Variants in RPS6KA4 observed in about 807,000 individuals in gnomAD.
The protein encoded by RPS6KA4 is ribosomal protein S6 kinase A4.
A neutral mutation model predicts 89.6 loss-of-function variants in RPS6KA4; 38 were observed. The observed-to-expected ratio is 0.42, with a 90% CI of 0.33 to 0.56. The LOEUF (loss-of-function observed/expected upper bound fraction) is 0.56. Among genes scored for constraint, RPS6KA4 ranks in the 20% least tolerant of loss-of-function variants. The pLI, the probability that RPS6KA4 is intolerant of heterozygous loss-of-function variation, is 0.07. For missense variants in RPS6KA4, 873 were observed against 1,098.8 expected (o/e 0.79, Z 2.90); for synonymous variants, 495 against 492.8 (o/e 1.00, Z -0.06).
intron 12 of RPS6KA4, 56 bp downstream of exon 12, chr11:64,368,853 G>A: frequency 6.8e-7 from 1 of 1,468,404 alleles, no homozygotes; most frequent in Non-Finnish European, 9.3e-7. Flanking sequence ...GGCGGGGCTT[G>A]GGGGCACTAT....
chr11:64,359,298 T>A lies in RPS6KA4; in HGVS notation c.55+8T>A. ...AGCTGCGGATCACAGAAGGTGGGTG[T>A]GGGGCCTGACTGCGGCTGCCCGGGG... On this transcript the variant is annotated splice_region_variant and intron_variant, in intron 1 of 16. Coordinates refer to ENST00000334205, the MANE Select transcript of RPS6KA4 (RefSeq NM_003942.3). 6.3e-7 allele frequency: 1 copy of A among 1,594,332 alleles called. No homozygotes were observed. Among genetic ancestry groups the A allele is most frequent in the Non-Finnish European group, 8.5e-7 (1 of 1,170,074 alleles).
Position 64,371,559 on chromosome 11 carries a change from G to C in RPS6KA4, c.*79G>C, listed in dbSNP as rs1361109859. On this transcript the variant is annotated 3_prime_UTR_variant, in exon 17 of 17. Coordinates refer to ENST00000334205, the MANE Select transcript of RPS6KA4 (RefSeq NM_003942.3). ...CTCACTCCCGGAGGCCTCTGCCTGC[G>C]GCTGACCTGATCCCCAAGGGACTGT... 1.1e-5 allele frequency: 7 copies of C among 627,758 alleles called. No homozygotes were observed. Among genetic ancestry groups the C allele is most frequent in the East Asian group, 8.2e-5 (3 of 36,452 alleles). 38.9% of individuals were successfully genotyped at this position (627,758 alleles called of 1,614,324 possible).
chr11:64,361,300 T>C lies in RPS6KA4; in HGVS notation c.570+59T>C, dbSNP rs183593760. 1 of 1,526,472 alleles carries C rather than the reference T, an allele frequency of 6.6e-7. No individual in the cohort carries two copies. Among genetic ancestry groups the C allele is most frequent in the Non-Finnish European group, 9.0e-7 (1 of 1,105,376 alleles). The allele number at this position is 1,526,472 out of a possible 1,614,324, so 94.6% of individuals were successfully genotyped here. ...ATTCAATCCTTCTCCTTCCTGCCTC[T>C]TCCTGCTCTGGGCCTGCATTCTGGG... On this transcript the variant is annotated intron_variant, in intron 5 of 16. Coordinates refer to ENST00000334205, the MANE Select transcript of RPS6KA4 (RefSeq NM_003942.3). The surrounding 1 kb of genome is among the most constrained non-coding windows in gnomAD (Gnocchi z 4.7).
chr11:64,370,658 C>T lies in RPS6KA4; in HGVS notation c.2053C>T (p.Leu685Phe). 1 of 1,571,814 alleles carries T rather than the reference C, an allele frequency of 6.4e-7. No individual in the cohort carries two copies. Among genetic ancestry groups the T allele is most frequent in the South Asian group, 1.1e-5 (1 of 87,704 alleles). The stretch of plus-strand genomic sequence containing the variant: ...CGGCAGCGCGCGCTCCTCGCCCCCG[C>T]TCCGGACGCCCGACGTGCTCGAGTC... ...QDGSARSSPP[L>F]RTPDVLESSG... The change falls in exon 16 of 17, where the codon CTC becomes TTC. Residue 685 changes from leucine to phenylalanine, a missense_variant. Physicochemically the swap from Leu to Phe is conservative, Grantham distance 22 (BLOSUM62 0). Around this residue, in one of 4 missense-constraint regions of RPS6KA4, gnomAD observed 278 missense variants for 284.8 expected, o/e 0.98. Coordinates refer to ENST00000334205, the MANE Select transcript of RPS6KA4 (RefSeq NM_003942.3). This position sits in a 1 kb window ranked among gnomAD's most constrained non-coding sequence, Gnocchi z 4.1.
Position 64,370,600 on chromosome 11 carries a change from C to T in RPS6KA4, c.1995C>T (p.Leu665=), listed in dbSNP as rs371474786. ...TGGACCCCGCCAAGCGGCTGAAGCT[C>T]GAGGGACTGCGGGGCAGCTCGTGGC... ...LTVDPAKRLK[L]EGLRGSSWLQ... Residue 665 remains leucine (L), a synonymous_variant, in exon 16 of 17, where the codon CTC becomes CTT. Coordinates refer to ENST00000334205, the MANE Select transcript of RPS6KA4 (RefSeq NM_003942.3). This position sits in a 1 kb window ranked among gnomAD's most constrained non-coding sequence, Gnocchi z 4.1. 79 of 1,587,654 alleles carry T rather than the reference C, an allele frequency of 5.0e-5. No individual in the cohort carries two copies. Among genetic ancestry groups the T allele is most frequent in the African/African-American group, 4.3e-4 (32 of 74,728 alleles).
At chr11:64,371,243 C>T in intron 16 of RPS6KA4, 40 bp from the exon 17 acceptor site, 2 of 1,591,624 alleles carry the variant, frequency 1.3e-6, no homozygotes, top group South Asian at 1.1e-5. Context: ...AAGCCGGGGT[C>T]AGGCGGGGGT....
rs2037072972 is a variant in RPS6KA4 at position 64,371,444 on chromosome 11, C to G, written c.2283C>G (p.Ala761=). 6.3e-7 allele frequency: 1 copy of G among 1,578,212 alleles called. No homozygotes were observed. The highest frequency in any genetic ancestry group is 8.6e-7 in the Non-Finnish European group (1 of 1,160,284). The part of the protein sequence containing the change: ...PGRAPVASKG[A]PRRANGPLPP... Reference sequence around the variant, plus strand: ...GAGCCCCCGTCGCCTCCAAAGGGGCCCCCCGCCGAGCCAACGGCCCCCTGC... The same window carrying G: ...GAGCCCCCGTCGCCTCCAAAGGGGCGCCCCGCCGAGCCAACGGCCCCCTGC... The change falls in exon 17 of 17, where the codon GCC becomes GCG. Residue 761 remains alanine (A), a synonymous_variant. Transcript: ENST00000334205.
At chr11:64,369,646 C>T (rs372735685) in intron 13 of RPS6KA4, 27 bp downstream of exon 13, 12 of 1,600,584 alleles carry the variant, frequency 7.5e-6, no homozygotes, top group Non-Finnish European at 1.0e-5. Context: ...GGCGGCGGGG[C>T]GGAGCGGTGG....
chr11:64,360,652 A>C (rs551927433), intron 4 of RPS6KA4, 60 bp downstream of exon 4: 2 of 1,426,044 alleles, frequency 1.4e-6, no homozygotes, highest in Non-Finnish European at 9.6e-7. Flanking sequence ...CCTTGGAAGG[A>C]ATCTGCACGC....
chr11:64,368,669 G>A (rs759306615), intron 11 of RPS6KA4, 35 bp from the exon 12 acceptor site: 33 of 1,572,876 alleles, frequency 2.1e-5, no homozygotes, highest in African/African-American at 4.0e-5. Flanking sequence ...GGGCCGAAGC[G>A]CGGCGACCGT....
At chr11:64,362,327 T>C (rs957647017) in intron 8 of RPS6KA4, among the ~76,000 whole-genome samples, 3 of 152,252 alleles carry the variant, frequency 2.0e-5, no homozygotes, top group African/African-American at 7.2e-5. Context: ...GAGTTGGGAA[T>C]AGACCTTGGG....
chr11:64,363,809 G>A (rs747391921), intron 8 of RPS6KA4, among the ~76,000 whole-genome samples: 18 of 151,922 alleles, frequency 1.2e-4, no homozygotes, highest in African/African-American at 3.1e-4. Context: ...GCTTTTTCTT[G>A]GACAGCTTCT....
Position 64,370,543 on chromosome 11 carries a change from C to T in RPS6KA4, c.1958-20C>T. On this transcript the variant is annotated intron_variant, in intron 15 of 16. Transcript: ENST00000334205. The surrounding 1 kb of genome is among the most constrained non-coding windows in gnomAD (Gnocchi z 4.1). ...CCTTTACGCCAGGCTCCTCCCCACACTTCCTTGCCCCGCCTCCAGGGCTCC... is the reference window on the plus strand; with the variant it reads ...CCTTTACGCCAGGCTCCTCCCCACATTTCCTTGCCCCGCCTCCAGGGCTCC... 6.3e-7 allele frequency: 1 copy of T among 1,588,926 alleles called. No homozygotes were observed. Among genetic ancestry groups the T allele is most frequent in the Non-Finnish European group, 8.5e-7 (1 of 1,172,428 alleles).
chr11:64,367,461 C>A (rs939833449), intron 9 of RPS6KA4, among the ~76,000 whole-genome samples: 3 of 152,226 alleles, frequency 2.0e-5, no homozygotes, highest in Non-Finnish European at 4.4e-5. Flanking sequence ...CAGGCATGTG[C>A]CACCACGCCT....
chr11:64,369,500 A>C lies in RPS6KA4; in HGVS notation c.1483A>C (p.Ile495Leu). 6.2e-7 allele frequency: 1 copy of C among 1,610,310 alleles called. No homozygotes were observed. The highest frequency in any genetic ancestry group is 1.1e-5 in the South Asian group (1 of 90,814). ...GCGGGGCGGGGAGCTGCTGGAGCAC[A>C]TCCGCAAGAAGCGGCACTTCAGCGA... is the stretch of plus-strand genomic sequence containing the variant. ...LLRGGELLEH[I>L]RKKRHFSESE... Residue 495 changes from isoleucine to leucine, a missense_variant, in exon 13 of 17, where the codon ATC becomes CTC. Physicochemically the swap from Ile to Leu is conservative, Grantham distance 5 (BLOSUM62 2). This residue lies in a region of RPS6KA4 where 542 missense variants were observed against 736.4 expected (regional missense o/e 0.74). Transcript: ENST00000334205.
chr11:64,362,592 G>A (rs930583305), intron 8 of RPS6KA4, among the ~76,000 whole-genome samples: 12 of 152,214 alleles, frequency 7.9e-5, no homozygotes, highest in African/African-American at 2.7e-4. Context: ...CAGCGTCATC[G>A]CCCAGCAGGA....
chr11:64,369,454 G>GTACC lies in RPS6KA4; in HGVS notation c.1439_1442dup (p.Val482ProfsTer156). The GTACC allele has an allele frequency of 6.2e-7, 1 of 1,604,552 alleles. No homozygotes were observed. Among genetic ancestry groups the GTACC allele is most frequent in the Non-Finnish European group, 8.5e-7 (1 of 1,177,656 alleles). ...CGCCACGCCGCCCGCAGCTGCACAC[G>GTACC]TACCTGGTCCTGGAGCTGCTGCGGG... On this transcript the variant is annotated frameshift_variant, in exon 13 of 17. Coordinates refer to ENST00000334205, the MANE Select transcript of RPS6KA4 (RefSeq NM_003942.3). LOFTEE classifies it high-confidence loss of function.
intron 8 of RPS6KA4, among the ~76,000 whole-genome samples, chr11:64,363,173 T>C (rs2036798828): frequency 6.6e-6 from 1 of 152,222 alleles, no homozygotes; most frequent in African/African-American, 2.4e-5. Context: ...CACCCATTTC[T>C]GGGTACTTAT....
intron 9 of RPS6KA4, 138 bp from the exon 10 acceptor site, chr11:64,367,994 G>T: frequency 1.2e-6 from 1 of 816,332 alleles, no homozygotes; most frequent in Non-Finnish European, 2.0e-6. Flanking sequence ...CATCCTGTGT[G>T]TACCAGAATG....
Sources: allele counts gnomAD v4.1 joint callset (sites outside exome capture counted in the v4.1 genomes callset), GRCh38; gene constraint gnomAD v4.1.1; regional missense constraint gnomAD v4.1.1; non-coding constraint Gnocchi (gnomAD v3.1); transcripts MANE v1.5; gene names NCBI Gene and HGNC (gene_info 2026-07-23, HGNC 2026-07-21).